The following PCYT1B variants were observed in gnomAD, a reference collection of about 807,000 sequenced individuals.
The protein encoded by PCYT1B is choline-phosphate cytidylyltransferase B.
PCYT1B carries 10 observed loss-of-function variants against 26.4 expected under a neutral mutation model. The observed-to-expected ratio is 0.38, with a 90% CI of 0.23 to 0.64. The LOEUF (loss-of-function observed/expected upper bound fraction) is 0.64, where lower values mean the gene tolerates loss of function less well. PCYT1B is among the 30% of genes least tolerant of loss of function. The pLI is 0.56. For missense variants in PCYT1B, 161 were observed against 292.7 expected, an observed-to-expected ratio of 0.55 and a Z score of 3.28; for synonymous variants, 131 against 108.4, an observed-to-expected ratio of 1.21 and a Z score of -1.29.
At chrX:24,653,660 A>G (rs761850974) in intron 1 of PCYT1B, among the ~76,000 whole-genome samples, 3 of 111,165 alleles carry the variant, frequency 2.7e-5, no homozygotes, top group Admixed American at 9.6e-5. Flanking sequence ...TCATCTCCCA[A>G]ATAAACTACT....
At chrX:24,667,848 T>C (rs1927159628) in intron 1 of PCYT1B, among the ~76,000 whole-genome samples, 1 of 112,454 alleles carries the variant, frequency 8.9e-6, no homozygotes, top group African/African-American at 3.2e-5. Flanking sequence ...GACTAAATAT[T>C]TAATGTACAT....
intron 6 of PCYT1B, among the ~76,000 whole-genome samples, chrX:24,578,154 A>T (rs1924081449): frequency 8.9e-6 from 1 of 111,733 alleles, no homozygotes; most frequent in Admixed American, 9.5e-5. Context: ...AATACTATGC[A>T]TACATAAAAA....
chrX:24,599,187 T>A (rs185910644), intron 3 of PCYT1B, among the ~76,000 whole-genome samples: 253 of 111,822 alleles, frequency 2.3e-3, no homozygotes, highest in African/African-American at 7.4e-3. Flanking sequence ...TGGCAACAAA[T>A]CCTTTTGCAG....
chrX:24,632,903 T>A (rs1486654022), intron 1 of PCYT1B, among the ~76,000 whole-genome samples: 1 of 111,674 alleles, frequency 9.0e-6, no homozygotes, highest in Non-Finnish European at 1.9e-5. Flanking sequence ...CAATGTATTA[T>A]ATATTTCAAA....
chrX:24,638,029 C>T (rs1011875054), intron 1 of PCYT1B, among the ~76,000 whole-genome samples: 2 of 111,177 alleles, frequency 1.8e-5, no homozygotes, highest in Non-Finnish European at 3.8e-5. Context: ...CAGGAATGGG[C>T]TTTCAACATC....
At chrX:24,670,373 T>G (rs1927231994) in intron 1 of PCYT1B, among the ~76,000 whole-genome samples, 1 of 112,587 alleles carries the variant, frequency 8.9e-6, no homozygotes, top group Admixed American at 9.4e-5. Flanking sequence ...TCAGATTCAA[T>G]ATTTAGCAGC....
intron 1 of PCYT1B, among the ~76,000 whole-genome samples, chrX:24,670,097 A>G (rs796506458): frequency 1.9e-3 from 131 of 68,812 alleles, no homozygotes; most frequent in Admixed American, 2.6e-3. Flanking sequence ...AGAAAGAAAG[A>G]AAGAAAGAAA....
chrX:24,656,081 A>C (rs1368498453), intron 1 of PCYT1B, among the ~76,000 whole-genome samples: 3 of 90,521 alleles, frequency 3.3e-5, no homozygotes, highest in African/African-American at 1.2e-4. Flanking sequence ...GTGAGCCAAG[A>C]TCGCGTCATT....
intron 1 of PCYT1B, among the ~76,000 whole-genome samples, chrX:24,670,109 A>AAGGAAGG (rs58225489): frequency 0.03 from 735 of 24,777 alleles, 5 homozygotes; most frequent in Non-Finnish European, 0.043. Context: ...AGAAAGAAAG[A>AAGGAAGG]AAGAAAGGAA....
At chrX:24,603,413 T>C (rs1207566537) in intron 3 of PCYT1B, among the ~76,000 whole-genome samples, 1 of 112,383 alleles carries the variant, frequency 8.9e-6, no homozygotes, top group African/African-American at 3.2e-5. Context: ...TGAAAGTCCC[T>C]GCATAATATT....
At chrX:24,573,768 G>A (rs992394231) in intron 7 of PCYT1B, among the ~76,000 whole-genome samples, 1 of 111,350 alleles carries the variant, frequency 9.0e-6, no homozygotes, top group Non-Finnish European at 1.9e-5. Flanking sequence ...AAATGTACCA[G>A]GAATTAACTT....
Position 24,668,977 on chromosome X carries a change from A to G in PCYT1B, c.63+3593T>C, listed in dbSNP as rs183985596. On this transcript the variant is annotated intron_variant, in intron 1 of 7. Transcript: ENST00000379145. ...AACCATCTTCTTAACTCTTATCTATATTATTAATTTGCAGATCAAAGTTAA... is the reference window on the plus strand; with the variant it reads ...AACCATCTTCTTAACTCTTATCTATGTTATTAATTTGCAGATCAAAGTTAA... Among the ~76,000 whole-genome samples the G allele has an allele frequency of 6.4e-4, 71 of 111,488 alleles. 1 individual carries two copies. The highest frequency in any genetic ancestry group is 1.1e-3 in the South Asian group (3 of 2,659).
intron 1 of PCYT1B, among the ~76,000 whole-genome samples, chrX:24,645,260 A>G (rs746214333): frequency 1.2e-4 from 13 of 111,430 alleles, no homozygotes; most frequent in African/African-American, 4.2e-4. Flanking sequence ...TACCTCTGTC[A>G]GGAAGGTATG....
At chrX:24,658,145 A>G (rs991500730) in intron 1 of PCYT1B, 10 of 111,978 alleles carry the variant, frequency 8.9e-5, no homozygotes, top group African/African-American at 2.9e-4. Flanking sequence ...AGTCATCAGG[A>G]CCATCTGACG....
intron 3 of PCYT1B, among the ~76,000 whole-genome samples, chrX:24,603,673 T>C (rs1472978790): frequency 1.8e-5 from 2 of 109,821 alleles, no homozygotes; most frequent in Non-Finnish European, 1.9e-5. Context: ...CAGTGAGCTG[T>C]GATTGCTCCA....
intron 3 of PCYT1B, among the ~76,000 whole-genome samples, chrX:24,607,068 T>A (rs1375068705): frequency 8.9e-6 from 1 of 112,167 alleles, no homozygotes; most frequent in Non-Finnish European, 1.9e-5. Flanking sequence ...GAAATACAGG[T>A]CTTCCTAGTC....
intron 1 of PCYT1B, among the ~76,000 whole-genome samples, chrX:24,629,992 C>T (rs761413559): frequency 6.3e-5 from 7 of 111,592 alleles, no homozygotes; most frequent in East Asian, 5.6e-4. Context: ...ATTGTAACAC[C>T]ATTGAAATGG....
rs754871530 is a variant in PCYT1B at position 24,566,733 on chromosome X, G to C, written c.898-4228C>G. 5.2e-4 allele frequency among the ~76,000 whole-genome samples: 58 copies of C among 111,413 alleles called. 1 individual carries two copies. Among genetic ancestry groups the C allele is most frequent in the African/African-American group, 1.8e-3 (56 of 30,600 alleles). ...AGGCGCATCACCAATAGCACTGCCT[G>C]CCCCCAACACTCATTTTTCCTTTCT... On this transcript the variant is annotated intron_variant, in intron 7 of 7. Coordinates refer to ENST00000379144, the MANE Select transcript of PCYT1B (RefSeq NM_004845.5).
intron 2 of PCYT1B, among the ~76,000 whole-genome samples, chrX:24,611,373 G>A (rs187177077): frequency 9.0e-6 from 1 of 111,536 alleles, no homozygotes; most frequent in African/African-American, 3.3e-5. Context: ...TAGGCATCTG[G>A]GGACTCTCCA....
Sources: allele counts gnomAD v4.1 joint callset (sites outside exome capture counted in the v4.1 genomes callset), GRCh38; gene constraint gnomAD v4.1.1; transcripts MANE v1.5; gene names NCBI Gene and HGNC (gene_info 2026-07-23, HGNC 2026-07-21).